ACTR3C: variants seen among roughly 807,000 people sequenced by gnomAD.
ACTR3C encodes the protein actin-related protein 3C.
ACTR3C carries 18 observed loss-of-function variants against 26.3 expected under a neutral mutation model. That is an observed-to-expected ratio of 0.68 (90% confidence interval 0.47 to 1.01). The LOEUF is 1.01. ACTR3C is among the 50% of genes least tolerant of loss of function. ACTR3C has a pLI of 0.00. For missense variants in ACTR3C, 184 were observed against 250.7 expected (o/e 0.73, Z 1.80); for synonymous variants, 55 against 94.5 (o/e 0.58, Z 2.42).
chr7:150,276,414 C>T (rs1352774339), intron 6 of ACTR3C, among the ~76,000 whole-genome samples: 1 of 152,144 alleles, frequency 6.6e-6, no homozygotes, highest in East Asian at 1.9e-4. Context: ...TATTAGAAGC[C>T]CCTGCTGTTT....
intron 6 of ACTR3C, among the ~76,000 whole-genome samples, chr7:150,261,863 A>G (rs1833663803): frequency 6.6e-6 from 1 of 152,230 alleles, no homozygotes; most frequent in Non-Finnish European, 1.5e-5. Context: ...TTATGTTTAT[A>G]ATTAGTCTCG....
At chr7:150,163,277 C>G in the ACTR3C span, among the ~76,000 whole-genome samples, 1 of 151,726 alleles carries the variant, frequency 6.6e-6, no homozygotes, top group Non-Finnish European at 1.5e-5. Flanking sequence ...GTAAGGAGTA[C>G]AGATATCTGG....
chr7:149,906,420 T>C, the ACTR3C span, among the ~76,000 whole-genome samples: 5 of 3,430 alleles, frequency 1.5e-3, no homozygotes, highest in Non-Finnish European at 6.6e-3. Flanking sequence ...TTCTTTTTTT[T>C]TTTTTTTTTT....
chr7:150,128,898 GA>G, the ACTR3C span, among the ~76,000 whole-genome samples: 2 of 151,784 alleles, frequency 1.3e-5, no homozygotes, highest in African/African-American at 4.8e-5. Context: ...ACTGCCTAGA[GA>G]AAGCTTCCAG....
the ACTR3C span, among the ~76,000 whole-genome samples, chr7:150,095,666 A>AC: frequency 6.7e-5 from 10 of 149,744 alleles, no homozygotes; most frequent in Non-Finnish European, 1.2e-4. Context: ...CATTTTCAAA[A>AC]CCAGGAATGC....
chr7:150,302,381 T>G (rs1795491774), intron 1 of ACTR3C, among the ~76,000 whole-genome samples: 1 of 152,142 alleles, frequency 6.6e-6, no homozygotes, highest in Non-Finnish European at 1.5e-5. Context: ...CACTGCTAGT[T>G]CTTTTTAAGT....
At chr7:150,092,910 T>C in the ACTR3C span, among the ~76,000 whole-genome samples, 260 of 150,728 alleles carry the variant, frequency 1.7e-3, 4 homozygotes, top group African/African-American at 5.7e-3. Flanking sequence ...CCCCTGTGGA[T>C]ACCGATTCCT....
chr7:150,053,030 G>A, the ACTR3C span, among the ~76,000 whole-genome samples: 116 of 92,482 alleles, frequency 1.3e-3, no homozygotes, highest in African/African-American at 4.2e-3. Flanking sequence ...TACCAACATT[G>A]CCTCAGAAAT....
the ACTR3C span, among the ~76,000 whole-genome samples, chr7:150,051,784 G>C: frequency 6.6e-6 from 1 of 150,986 alleles, no homozygotes; most frequent in African/African-American, 2.4e-5. Flanking sequence ...GGCAGATGCT[G>C]CAAAATATGT....
the ACTR3C span, among the ~76,000 whole-genome samples, chr7:150,118,114 C>T: frequency 2.6e-5 from 4 of 152,148 alleles, no homozygotes; most frequent in African/African-American, 4.8e-5. Flanking sequence ...GTAGAGAAAT[C>T]CATGAAGAGG....
At chr7:150,076,693 C>T in the ACTR3C span, 1 of 152,180 alleles carries the variant, frequency 6.6e-6, no homozygotes. Context: ...TAGTAGAACT[C>T]AACCTAATCT....
chr7:150,222,559 T>C, the ACTR3C span, among the ~76,000 whole-genome samples: 1 of 152,242 alleles, frequency 6.6e-6, no homozygotes, highest in African/African-American at 2.4e-5. Context: ...TTATCTGTGA[T>C]TACTTGTGTA....
At chr7:149,982,633 G>A in the ACTR3C span, among the ~76,000 whole-genome samples, 235 of 152,158 alleles carry the variant, frequency 1.5e-3, 1 homozygote, top group African/African-American at 5.3e-3. Flanking sequence ...CCATTGAACT[G>A]GAAATTGTCT....
chr7:150,030,406 C>T, the ACTR3C span, among the ~76,000 whole-genome samples: 2 of 151,588 alleles, frequency 1.3e-5, no homozygotes, highest in Admixed American at 6.6e-5. Context: ...GCCTTTCTGT[C>T]ACCAGAGAGT....
At chr7:150,078,948 G>A in the ACTR3C span, among the ~76,000 whole-genome samples, 1 of 152,154 alleles carries the variant, frequency 6.6e-6, no homozygotes, top group Non-Finnish European at 1.5e-5. Flanking sequence ...AAGGATGAGT[G>A]AGCTGATGGA....
rs560661142 is a variant in ACTR3C, at chr7:150,292,067, C to T, written c.153+1245G>A. On this transcript the variant is annotated intron_variant, in intron 3 of 7. Coordinates refer to ENST00000683684, the MANE Select transcript of ACTR3C (RefSeq NM_001164458.2). ...CATTGGTATTAGTACATCACCCCAT[C>T]ACCTTCTCAAAATGAAATGGTGACC... 2.0e-5 allele frequency among the ~76,000 whole-genome samples: 3 copies of T among 149,902 alleles called. No homozygotes were observed. In the East Asian group the frequency reaches 5.8e-4, roughly 29 times the overall value.
chr7:150,036,038 G>C, the ACTR3C span, among the ~76,000 whole-genome samples: 39 of 128,132 alleles, frequency 3.0e-4, 1 homozygote, highest in African/African-American at 1.1e-3. Context: ...GAGCAAAGGT[G>C]GGAAGAGGGG....
At chr7:150,072,612 G>T in the ACTR3C span, among the ~76,000 whole-genome samples, 1 of 150,314 alleles carries the variant, frequency 6.7e-6, no homozygotes, top group Non-Finnish European at 1.5e-5. Context: ...TGATGACAAA[G>T]CACCATGCAG....
At chr7:150,183,447 C>T in the ACTR3C span, among the ~76,000 whole-genome samples, 2 of 149,892 alleles carry the variant, frequency 1.3e-5, 1 homozygote. Flanking sequence ...ATCCACTTCT[C>T]TTGGTGCTTA....
Sources: gnomAD v4.1 joint callset for allele counts (sites outside exome capture counted in the v4.1 genomes callset) on GRCh38, gnomAD v4.1.1 for gene constraint, MANE v1.5 for transcripts, NCBI Gene and HGNC (gene_info 2026-07-23, HGNC 2026-07-21) for gene names.